The following STEAP1B variants were observed in gnomAD, a reference collection of about 807,000 sequenced individuals.
STEAP1B encodes the protein STEAP family member 1B.
STEAP1B carries 13 observed loss-of-function variants against 27.9 expected under a neutral mutation model. That is an observed-to-expected ratio of 0.47 (90% CI 0.30 to 0.74). STEAP1B has a LOEUF of 0.74. Ranked by LOEUF, STEAP1B falls within the 30% of genes least tolerant of loss-of-function variation. STEAP1B has a pLI of 0.06. For missense variants in STEAP1B, 250 were observed against 298.7 expected (o/e 0.84, Z 1.20); for synonymous variants, 86 against 107.1 (o/e 0.80, Z 1.22).
chr7:22,446,496 A>C (rs1785411210), intron 4 of STEAP1B, among the ~76,000 whole-genome samples: 1 of 152,220 alleles, frequency 6.6e-6, no homozygotes, highest in South Asian at 2.1e-4. Flanking sequence ...ACAAACCTCC[A>C]GGTGGTTCTG....
At chr7:22,420,001 G>T (rs1562563032) in intron 4 of STEAP1B, among the ~76,000 whole-genome samples, 165 bp from the exon 5 acceptor site, 1 of 152,172 alleles carries the variant, frequency 6.6e-6, no homozygotes, top group Non-Finnish European at 1.5e-5. Flanking sequence ...TTCTGGCGTG[G>T]TCTTTCCTCG....
intron 4 of STEAP1B, among the ~76,000 whole-genome samples, chr7:22,440,149 G>A (rs1255418999): frequency 6.6e-6 from 1 of 152,100 alleles, no homozygotes; most frequent in Non-Finnish European, 1.5e-5. Context: ...TCTAAAACGA[G>A]CTTACTTAGG....
chr7:22,471,418 C>T (rs1449873059), intron 4 of STEAP1B, among the ~76,000 whole-genome samples: 1 of 152,174 alleles, frequency 6.6e-6, no homozygotes. Flanking sequence ...AAACCATCTG[C>T]TGCCATCCAA....
chr7:22,461,842 T>C (rs927840233), intron 4 of STEAP1B, among the ~76,000 whole-genome samples: 4 of 152,206 alleles, frequency 2.6e-5, no homozygotes, highest in Non-Finnish European at 4.4e-5. Flanking sequence ...ACTTAAATTG[T>C]GTGTTAAGTC....
intron 4 of STEAP1B, chr7:22,438,824 T>C: frequency 6.8e-7 from 1 of 1,470,434 alleles, no homozygotes. Context: ...AGCCCTGTGA[T>C]AAGTGTATAA....
intron 4 of STEAP1B, among the ~76,000 whole-genome samples, chr7:22,468,432 T>A (rs1785823713): frequency 6.6e-6 from 1 of 152,282 alleles, no homozygotes; most frequent in African/African-American, 2.4e-5. Context: ...GGAATTCTCA[T>A]ATACTGCTGG....
chr7:22,489,535 GC>G (rs1451377237), intron 4 of STEAP1B, among the ~76,000 whole-genome samples: 1 of 152,158 alleles, frequency 6.6e-6, no homozygotes, highest in East Asian at 1.9e-4. Context: ...ATCAGGGTGT[GC>G]CCCAAGCCCA....
rs561949990 is a variant in STEAP1B at position 22,473,006 on chromosome 7, G to C, written c.762+19559C>G. Among the ~76,000 whole-genome samples the C allele has an allele frequency of 3.3e-3, 501 of 152,296 alleles. 1 individual carries two copies. The highest frequency in any genetic ancestry group is 6.1e-3 in the Non-Finnish European group (413 of 68,022). On this transcript the variant is annotated intron_variant, in intron 4 of 4. Coordinates refer to ENST00000678116, the MANE Select transcript of STEAP1B (RefSeq NM_001382447.1). ...CTGCATACTGTAGTGCCTATGCCTAGTGCTGCTGTCTTTGATTGGGCCCTT... is the reference window on the plus strand; with the variant it reads ...CTGCATACTGTAGTGCCTATGCCTACTGCTGCTGTCTTTGATTGGGCCCTT...
chr7:22,477,037 T>G (rs1785985173), intron 4 of STEAP1B, among the ~76,000 whole-genome samples: 2 of 152,222 alleles, frequency 1.3e-5, no homozygotes. Flanking sequence ...AGGGAGAGAC[T>G]GCAGCTTTCT....
At chr7:22,477,736 T>A (rs556602810) in intron 4 of STEAP1B, among the ~76,000 whole-genome samples, 1 of 152,232 alleles carries the variant, frequency 6.6e-6, no homozygotes, top group Non-Finnish European at 1.5e-5. Context: ...AAGAGGTTTT[T>A]TTTTTTAATG....
At chr7:22,465,582 T>C (rs949682488) in intron 4 of STEAP1B, among the ~76,000 whole-genome samples, 3 of 152,178 alleles carry the variant, frequency 2.0e-5, no homozygotes, top group South Asian at 4.2e-4. Flanking sequence ...TTATGTACGA[T>C]GTGAACATGA....
At chr7:22,422,592 C>T (rs1053583091) in intron 4 of STEAP1B, among the ~76,000 whole-genome samples, 1 of 151,566 alleles carries the variant, frequency 6.6e-6, no homozygotes, top group Non-Finnish European at 1.5e-5. Context: ...CTCCTAGGTT[C>T]AAGTGATTCT....
intron 4 of STEAP1B, among the ~76,000 whole-genome samples, chr7:22,436,967 C>T (rs564129266): frequency 1.1e-4 from 16 of 152,186 alleles, no homozygotes; most frequent in African/African-American, 3.6e-4. Flanking sequence ...ATGATGAAGA[C>T]AACAAAAGCA....
At chr7:22,426,061 G>C (rs769313752) in intron 4 of STEAP1B, among the ~76,000 whole-genome samples, 2 of 152,164 alleles carry the variant, frequency 1.3e-5, no homozygotes, top group Non-Finnish European at 2.9e-5. Context: ...TAAAGGAAGT[G>C]GGGCAGCCAC....
At chr7:22,438,659 G>C in intron 4 of STEAP1B, 1 of 1,551,934 alleles carries the variant, frequency 6.4e-7, no homozygotes, top group Non-Finnish European at 8.7e-7. Flanking sequence ...CCACACTGCT[G>C]CTCCTGCCAG....
chr7:22,464,795 A>G (rs1344331124), intron 4 of STEAP1B, among the ~76,000 whole-genome samples: 2 of 151,248 alleles, frequency 1.3e-5, no homozygotes, highest in Admixed American at 6.6e-5. Context: ...TCCAGCCTCC[A>G]GAACTGGGAG....
intron 4 of STEAP1B, among the ~76,000 whole-genome samples, chr7:22,428,418 G>A (rs1054926530): frequency 6.6e-6 from 1 of 152,036 alleles, no homozygotes; most frequent in Non-Finnish European, 1.5e-5. Context: ...CACAAAGAAA[G>A]CATCAGTAAG....
At chr7:22,471,232 G>T (rs1029064952) in intron 4 of STEAP1B, among the ~76,000 whole-genome samples, 3 of 152,172 alleles carry the variant, frequency 2.0e-5, no homozygotes, top group African/African-American at 7.2e-5. Context: ...CCCTAGAGGT[G>T]CCACGTGCTG....
Position 22,440,363 on chromosome 7 carries a change from A to G in STEAP1B, c.763-20527T>C, listed in dbSNP as rs957371395. Among the ~76,000 whole-genome samples the G allele has an allele frequency of 2.6e-5, 4 of 152,336 alleles. No homozygotes were observed. In the East Asian group the frequency reaches 7.7e-4, roughly 29 times the overall value. The stretch of plus-strand genomic sequence containing the variant: ...TTACAACATTTAACTTGGGTGAAAC[A>G]TTCAAAAGAATAATCTTAGGTAGAA... On this transcript the variant is annotated intron_variant, in intron 4 of 4. Transcript: ENST00000678116.
Sources: gnomAD v4.1 joint callset for allele counts (sites outside exome capture counted in the v4.1 genomes callset) on GRCh38, gnomAD v4.1.1 for gene constraint, MANE v1.5 for transcripts, NCBI Gene and HGNC (gene_info 2026-07-23, HGNC 2026-07-21) for gene names.